Variants in SPICE1 observed in about 807,000 individuals in gnomAD.
SPICE1 encodes the protein spindle and centriole associated protein 1, also known as spindle and centriole-associated protein 1.
A neutral mutation model predicts 102.7 loss-of-function variants in SPICE1; 75 were observed. That is an observed-to-expected ratio of 0.73 (90% CI 0.61 to 0.88). SPICE1 has a LOEUF of 0.88. Ranked by LOEUF, SPICE1 falls within the 40% of genes least tolerant of loss-of-function variation. The pLI is 0.00. For missense variants in SPICE1, 979 were observed against 1,020.1 expected, an observed-to-expected ratio of 0.96 and a Z score of 0.55; for synonymous variants, 308 against 350.3, an observed-to-expected ratio of 0.88 and a Z score of 1.35.
At chr3:113,487,948 C>A (rs890648860) in intron 7 of SPICE1, among the ~76,000 whole-genome samples, 5 of 151,856 alleles carry the variant, frequency 3.3e-5, no homozygotes, top group Non-Finnish European at 7.4e-5. Context: ...AAATAACTGC[C>A]CTGTACTTCT....
intron 1 of SPICE1, among the ~76,000 whole-genome samples, chr3:113,512,551 G>C (rs1278665054): frequency 6.6e-6 from 1 of 151,876 alleles, no homozygotes; most frequent in Non-Finnish European, 1.5e-5. Flanking sequence ...TGGGATTACA[G>C]GCGCTTGCCA....
At chr3:113,501,023 A>G (rs1936997672) in intron 3 of SPICE1, among the ~76,000 whole-genome samples, 1 of 152,226 alleles carries the variant, frequency 6.6e-6, no homozygotes, top group Admixed American at 6.5e-5. Context: ...CTATAAAACG[A>G]CAGTAATCAA....
intron 7 of SPICE1, among the ~76,000 whole-genome samples, chr3:113,479,696 C>A (rs1936445869): frequency 6.6e-6 from 1 of 152,130 alleles, no homozygotes; most frequent in Non-Finnish European, 1.5e-5. Flanking sequence ...ACTGAAATTA[C>A]CTCATTCCTA....
intron 12 of SPICE1, 54 bp from the exon 13 acceptor site, chr3:113,457,411 A>G (rs1280647095): frequency 6.4e-7 from 1 of 1,560,312 alleles, no homozygotes; most frequent in Admixed American, 1.7e-5. Flanking sequence ...AACTATGAGC[A>G]CATTTCAGGT....
intron 12 of SPICE1, 87 bp downstream of exon 12, chr3:113,460,530 T>C (rs1010459020): frequency 7.3e-6 from 11 of 1,505,728 alleles, no homozygotes; most frequent in African/African-American, 7.0e-5. Context: ...AATAAGTCTA[T>C]ATAAGTTTAG....
intron 3 of SPICE1, among the ~76,000 whole-genome samples, chr3:113,501,114 T>C (rs1576647963): frequency 6.6e-6 from 1 of 152,274 alleles, no homozygotes; most frequent in East Asian, 1.9e-4. Flanking sequence ...TTTATATTTA[T>C]GGACAAGTGA....
chr3:113,446,428 G>A (rs976180712), intron 17 of SPICE1, among the ~76,000 whole-genome samples, 161 bp downstream of exon 17: 2 of 152,124 alleles, frequency 1.3e-5, no homozygotes, highest in Non-Finnish European at 2.9e-5. Context: ...GAAGTATATG[G>A]CTTGTTTTTC....
rs554527945 is a variant in SPICE1 at position 113,499,423 on chromosome 3, T to C, written c.291+16A>G. 3.0e-5 allele frequency: 48 copies of C among 1,605,590 alleles called. No individual in the cohort carries two copies. Among genetic ancestry groups the C allele is most frequent in the South Asian group, 2.0e-4 (18 of 89,872 alleles). ...CTCCTTTTTTTCTTTCTAACTCTAA[T>C]GCAGTTTAGCATTACCTCCTTCATG... On this transcript the variant is annotated intron_variant, in intron 4 of 17. Transcript: ENST00000295872.
intron 7 of SPICE1, among the ~76,000 whole-genome samples, chr3:113,484,903 A>C (rs1333834561): frequency 1.3e-5 from 2 of 152,126 alleles, no homozygotes; most frequent in Non-Finnish European, 2.9e-5. Flanking sequence ...AGCTGAGTTC[A>C]AGTCCTGAAT....
At chr3:113,481,465 T>C (rs1216544304) in intron 7 of SPICE1, among the ~76,000 whole-genome samples, 2 of 151,878 alleles carry the variant, frequency 1.3e-5, no homozygotes, top group East Asian at 3.9e-4. Flanking sequence ...GTGCAGAACG[T>C]GCAGTTTTGT....
rs186399383 is a variant in SPICE1, at chr3:113,450,903, G to A, written c.2143-387C>T. ...CCCTTATTATATATAAATGTGAATA[G>A]TGAGCACACAATAGAATTTACAGTC... On this transcript the variant is annotated intron_variant, in intron 14 of 17. Coordinates refer to ENST00000295872, the MANE Select transcript of SPICE1 (RefSeq NM_144718.4). Among the ~76,000 whole-genome samples, 32 of 152,300 alleles carry A rather than the reference G, an allele frequency of 2.1e-4. No individual in the cohort carries two copies. The East Asian group carries it at 5.2e-3, about 25-fold the overall frequency.
intron 2 of SPICE1, among the ~76,000 whole-genome samples, chr3:113,505,366 A>G (rs1022434367): frequency 4.0e-5 from 6 of 151,824 alleles, no homozygotes; most frequent in African/African-American, 1.5e-4. Flanking sequence ...CATCCTTGTT[A>G]TTAAAATTTT....
intron 1 of SPICE1, among the ~76,000 whole-genome samples, chr3:113,512,502 G>A (rs756565351): frequency 2.8e-5 from 4 of 143,556 alleles, no homozygotes; most frequent in Admixed American, 7.5e-5. Flanking sequence ...TCCACCTCCC[G>A]GGTTCAAGCG....
chr3:113,469,849 G>A (rs1167252323), intron 7 of SPICE1, among the ~76,000 whole-genome samples: 1 of 152,084 alleles, frequency 6.6e-6, no homozygotes, highest in Non-Finnish European at 1.5e-5. Context: ...CTAGAGTAAA[G>A]TAATTAAGCA....
intron 7 of SPICE1, among the ~76,000 whole-genome samples, chr3:113,474,369 G>A (rs1936285582): frequency 6.6e-6 from 1 of 152,102 alleles, no homozygotes; most frequent in African/African-American, 2.4e-5. Context: ...GTCAACATTA[G>A]ACAGATCAAT....
chr3:113,452,694 A>G (rs542832835), intron 14 of SPICE1, among the ~76,000 whole-genome samples: 1 of 135,862 alleles, frequency 7.4e-6, no homozygotes, highest in African/African-American at 2.8e-5. Flanking sequence ...AAAAAAACAA[A>G]ACAGGCTGGG....
chr3:113,459,228 T>C (rs528924831), intron 12 of SPICE1, among the ~76,000 whole-genome samples: 205 of 152,270 alleles, frequency 1.3e-3, no homozygotes, highest in African/African-American at 4.5e-3. Context: ...GCATACTCGT[T>C]AAGAGTCATC....
At position 113,503,188 on chromosome 3, in the gene SPICE1, C is replaced by T. The variant is rs761953769; in HGVS notation, c.139G>A (p.Glu47Lys). Residue 47 changes from glutamate (E) to lysine (K), a missense_variant, in exon 3 of 18, where the codon GAA (glutamate) becomes AAA (lysine). Transcript: ENST00000295872. ...TTTGATATTAAACTCACCAGATCTT[C>T]GGGAGTTGCCCGATGAACGGTTAGA... Reference protein sequence around the residue: ...TDLTVHRATPEDLVRRHEIHK... With the variant: ...TDLTVHRATPKDLVRRHEIHK... 4 of 1,605,198 alleles carry T rather than the reference C, an allele frequency of 2.5e-6. No homozygotes were observed. Among genetic ancestry groups the T allele is most frequent in the South Asian group, 1.1e-5 (1 of 89,050 alleles).
intron 7 of SPICE1, among the ~76,000 whole-genome samples, chr3:113,475,964 G>A (rs978927099): frequency 3.3e-5 from 5 of 152,080 alleles, no homozygotes; most frequent in African/African-American, 4.8e-5. Context: ...GAAATAAAGG[G>A]TATTCAATTA....
Sources: allele counts gnomAD v4.1 joint callset (sites outside exome capture counted in the v4.1 genomes callset), GRCh38; gene constraint gnomAD v4.1.1; transcripts MANE v1.5; gene names NCBI Gene and HGNC (gene_info 2026-07-23, HGNC 2026-07-21).